The following COL25A1 variants were observed in gnomAD, a reference collection of about 807,000 sequenced individuals.
COL25A1 encodes collagen type XXV alpha 1 chain, also known as collagen alpha-1(XXV) chain.
A neutral mutation model predicts 128.4 loss-of-function variants in COL25A1; 103 were observed. The observed-to-expected ratio is 0.80, with a 90% CI of 0.68 to 0.94. The LOEUF (loss-of-function observed/expected upper bound fraction) is 0.94. Among genes scored for constraint, COL25A1 ranks in the 40% least tolerant of loss-of-function variants. COL25A1 has a pLI of 0.00. For synonymous variants in COL25A1, 279 were observed against 277.2 expected, an observed-to-expected ratio of 1.01 and a Z score of -0.06; for missense variants, 745 against 840.0, an observed-to-expected ratio of 0.89 and a Z score of 1.40.
At chr4:109,030,304 A>G (rs1758712865) in intron 5 of COL25A1, among the ~76,000 whole-genome samples, 1 of 152,138 alleles carries the variant, frequency 6.6e-6, no homozygotes, top group Non-Finnish European at 1.5e-5. Flanking sequence ...CACCTGAACT[A>G]TGGAGAGAGG....
chr4:108,823,989 A>G lies in COL25A1; in HGVS notation c.1845+185T>C, dbSNP rs545223350. On this transcript the variant is annotated intron_variant, in intron 35 of 37. Transcript: ENST00000399132. ...TTCTTCTATGCCAGGCAGTGCCCTT[A>G]TATCTGGCAGTACAGCCTTCTTCAT... is the stretch of plus-strand genomic sequence containing the variant. The G allele has an allele frequency of 2.6e-5, 40 of 1,546,678 alleles. 1 individual carries two copies. The East Asian group carries it at 2.9e-4, about 11-fold the overall frequency.
intron 16 of COL25A1, among the ~76,000 whole-genome samples, chr4:108,891,866 T>C (rs1176052077): frequency 6.6e-6 from 1 of 152,022 alleles, no homozygotes; most frequent in Non-Finnish European, 1.5e-5. Context: ...ATCCCTAATG[T>C]GAATAAAGAC....
At chr4:108,993,451 C>T (rs371781890) in intron 6 of COL25A1, among the ~76,000 whole-genome samples, 6 of 152,236 alleles carry the variant, frequency 3.9e-5, no homozygotes, top group African/African-American at 1.4e-4. Context: ...TAGGGCACTT[C>T]CAATTCTAAA....
At chr4:109,073,877 A>C (rs1763181288) in intron 3 of COL25A1, among the ~76,000 whole-genome samples, 1 of 152,246 alleles carries the variant, frequency 6.6e-6, no homozygotes, top group African/African-American at 2.4e-5. Context: ...GCCACAACTA[A>C]AAATAACAGT....
chr4:109,093,243 G>T (rs1238229962), intron 3 of COL25A1, among the ~76,000 whole-genome samples: 1 of 152,072 alleles, frequency 6.6e-6, no homozygotes, highest in Non-Finnish European at 1.5e-5. Flanking sequence ...CCCCTATTTA[G>T]TCTAAGATGA....
At chr4:108,992,897 T>C (rs1312661929) in intron 6 of COL25A1, among the ~76,000 whole-genome samples, 1 of 152,120 alleles carries the variant, frequency 6.6e-6, no homozygotes, top group Non-Finnish European at 1.5e-5. Context: ...ATTCTGAGTC[T>C]CAAGTCAAGG....
chr4:108,859,727 G>T lies in COL25A1; in HGVS notation c.1249C>A (p.Pro417Thr), dbSNP rs767679738. The T allele has an allele frequency of 6.2e-7, 1 of 1,613,732 alleles. No homozygotes were observed. Among genetic ancestry groups the T allele is most frequent in the Non-Finnish European group, 8.5e-7 (1 of 1,179,820 alleles). ...DSGAQGPRGP[P>T]GQKGDQGATE... ...GCTCCTTGATCCCCTTTTTGACCAG[G>T]TGGACCCTATGACAAAACCAATCAA... The change falls in exon 24 of 38, where the codon CCT becomes ACT. Residue 417 changes from proline to threonine, a missense_variant. By Grantham distance (38) the Pro-to-Thr change is conservative. Coordinates refer to ENST00000399132, the MANE Select transcript of COL25A1 (RefSeq NM_198721.4).
chr4:109,026,843 C>G (rs1758346895), intron 5 of COL25A1, among the ~76,000 whole-genome samples: 1 of 151,956 alleles, frequency 6.6e-6, no homozygotes, highest in African/African-American at 2.4e-5. Context: ...GAAGTGGAGT[C>G]AGAGAAGAAG....
chr4:109,267,671 CACA>C (rs1295909661), intron 3 of COL25A1, among the ~76,000 whole-genome samples: 1 of 151,972 alleles, frequency 6.6e-6, no homozygotes, highest in African/African-American at 2.4e-5. Flanking sequence ...CTCCAAAATC[CACA>C]ACTTTTTGAG....
chr4:109,117,842 G>A (rs1024886649), intron 3 of COL25A1, among the ~76,000 whole-genome samples: 4 of 151,750 alleles, frequency 2.6e-5, no homozygotes, highest in African/African-American at 9.7e-5. Flanking sequence ...TTTAGAAAGT[G>A]GACTCAGATT....
chr4:109,181,515 GAAAGT>G (rs1774627181), intron 3 of COL25A1, among the ~76,000 whole-genome samples: 1 of 151,930 alleles, frequency 6.6e-6, no homozygotes, highest in Non-Finnish European at 1.5e-5. Context: ...TGTATCTTTT[GAAAGT>G]AAAGAACAAT....
rs58157157 is a variant in COL25A1, at chr4:108,886,492, G to GTGTGTGTGTGTTTTTT, written c.976-2271_976-2270insAAAAAACACACACACA. Among the ~76,000 whole-genome samples, 185 of 109,268 alleles carry GTGTGTGTGTGTTTTTT rather than the reference G, an allele frequency of 1.7e-3. 6 individuals are homozygous for GTGTGTGTGTGTTTTTT. The highest frequency in any genetic ancestry group is 9.4e-3 in the East Asian group (38 of 4,054). The allele number at this position is 109,268 out of a possible 152,430, so 71.7% of individuals were successfully genotyped here. ...TGTGTGTGTGTGTGTGTGTGTGTGT[G>GTGTGTGTGTGTTTTTT]TTTAGCTCATCAGCTATTTTATGTG... is the stretch of plus-strand genomic sequence containing the variant. On this transcript the variant is annotated intron_variant, in intron 18 of 37. Transcript: ENST00000399132.
chr4:109,032,947 T>C (rs1000747076), intron 5 of COL25A1, among the ~76,000 whole-genome samples: 4 of 152,172 alleles, frequency 2.6e-5, no homozygotes, highest in African/African-American at 9.7e-5. Flanking sequence ...TCCCTGAAAT[T>C]GTATAAATGA....
intron 3 of COL25A1, among the ~76,000 whole-genome samples, chr4:109,248,037 C>T (rs1780393940): frequency 6.6e-6 from 1 of 152,014 alleles, no homozygotes; most frequent in South Asian, 2.1e-4. Flanking sequence ...CTGAGAAAAA[C>T]CCGTATTGTC....
At chr4:108,999,501 C>G (rs551693427) in intron 6 of COL25A1, among the ~76,000 whole-genome samples, 1 of 152,290 alleles carries the variant, frequency 6.6e-6, no homozygotes, top group African/African-American at 2.4e-5. Context: ...AATAGGAATG[C>G]TTTTACACTG....
intron 3 of COL25A1, among the ~76,000 whole-genome samples, chr4:109,112,426 T>C (rs1218036324): frequency 6.6e-6 from 1 of 152,138 alleles, no homozygotes; most frequent in Admixed American, 6.6e-5. Flanking sequence ...ATGAAAATTT[T>C]TTTTACCCCA....
intron 19 of COL25A1, among the ~76,000 whole-genome samples, chr4:108,876,885 T>C (rs1020582369): frequency 6.6e-6 from 1 of 152,238 alleles, no homozygotes; most frequent in Non-Finnish European, 1.5e-5. Flanking sequence ...ATTCTTAACA[T>C]TAATTAATAG....
chr4:109,239,394 G>GTGTGTGTATA (rs1491198097), intron 3 of COL25A1, among the ~76,000 whole-genome samples: 1 of 116,582 alleles, frequency 8.6e-6, no homozygotes, highest in African/African-American at 3.7e-5. Context: ...GTGTGTGTGT[G>GTGTGTGTATA]TATATATATA....
At chr4:109,302,110 T>TTCAG in intron 1 of COL25A1, 35 bp from the exon 2 acceptor site, 1 of 1,436,354 alleles carries the variant, frequency 7.0e-7, no homozygotes. Context: ...TCCTCCAAAG[T>TTCAG]TCAGTCCCTG....
Sources: allele counts gnomAD v4.1 joint callset (sites outside exome capture counted in the v4.1 genomes callset), GRCh38; gene constraint gnomAD v4.1.1; transcripts MANE v1.5; gene names NCBI Gene and HGNC (gene_info 2026-07-23, HGNC 2026-07-21).